The following PHLDB2 variants were observed in gnomAD, a reference collection of about 807,000 sequenced individuals.
PHLDB2 encodes the protein pleckstrin homology like domain family B member 2.
In PHLDB2, 71 loss-of-function variants were observed where a neutral mutation model predicts 123.6. The ratio of observed to expected loss-of-function variants is 0.57; its 90% CI spans 0.47 to 0.70. The LOEUF is 0.70. Ranked by LOEUF, PHLDB2 falls within the 30% of genes least tolerant of loss-of-function variation. The probability of loss-of-function intolerance (pLI) is 0.00; values close to 1 mark genes in which losing one functional copy is unlikely to be tolerated. For missense variants in PHLDB2, 1,446 were observed against 1,519.5 expected (o/e 0.95, Z 0.80); for synonymous variants, 547 against 541.6 (o/e 1.01, Z -0.14).
intron 6 of PHLDB2, among the ~76,000 whole-genome samples, chr3:111,933,084 A>C (rs967033796): frequency 2.0e-5 from 3 of 152,192 alleles, no homozygotes; most frequent in African/African-American, 7.2e-5. Context: ...TTCTGAAAGC[A>C]AGACTTCCTA....
chr3:111,949,107 G>A, intron 10 of PHLDB2, 32 bp downstream of exon 10: 2 of 1,608,320 alleles, frequency 1.2e-6, no homozygotes, highest in Non-Finnish European at 1.7e-6. Flanking sequence ...TTCATTCACT[G>A]CTTTTCTTCA....
At chr3:111,834,838 C>T (rs56154506) in intron 1 of PHLDB2, among the ~76,000 whole-genome samples, 3 of 152,044 alleles carry the variant, frequency 2.0e-5, no homozygotes, top group Non-Finnish European at 4.4e-5. Context: ...ATCCCCTTGG[C>T]TATATTTTTA....
chr3:111,898,949 G>A (rs2067034866), intron 2 of PHLDB2, among the ~76,000 whole-genome samples: 1 of 152,072 alleles, frequency 6.6e-6, no homozygotes. Flanking sequence ...CCAAACTCTC[G>A]TTCATGTTGA....
At chr3:111,956,616 G>C (rs1289348277) in intron 12 of PHLDB2, among the ~76,000 whole-genome samples, 2 of 152,162 alleles carry the variant, frequency 1.3e-5, no homozygotes, top group African/African-American at 4.8e-5. Flanking sequence ...GGCAGCTTCT[G>C]AGGAAATAAA....
At chr3:111,911,312 T>C (rs1420291035) in intron 2 of PHLDB2, among the ~76,000 whole-genome samples, 2 of 152,248 alleles carry the variant, frequency 1.3e-5, no homozygotes, top group African/African-American at 4.8e-5. Flanking sequence ...TGAGTTTAGA[T>C]GCTTCAACTT....
intron 1 of PHLDB2, among the ~76,000 whole-genome samples, chr3:111,843,916 C>A (rs184946544): frequency 1.2e-4 from 18 of 152,124 alleles, no homozygotes; most frequent in African/African-American, 4.3e-4. Context: ...GAAGACTTGG[C>A]CTTGTTCTTC....
chr3:111,864,224 TATC>T (rs1489393875), intron 1 of PHLDB2, among the ~76,000 whole-genome samples: 2 of 152,220 alleles, frequency 1.3e-5, no homozygotes, highest in East Asian at 3.8e-4. Flanking sequence ...GTCTTTTCAT[TATC>T]ATCTTTCATC....
At chr3:111,830,548 GCCTGTAATCC>G (rs2062901729) in intron 1 of PHLDB2, among the ~76,000 whole-genome samples, 1 of 146,914 alleles carries the variant, frequency 6.8e-6, no homozygotes, top group African/African-American at 2.5e-5. Context: ...GGTGGCTCAC[GCCTGTAATCC>G]CAGCACTTTG....
At chr3:111,805,356 C>A (rs2061534509) in intron 1 of PHLDB2, among the ~76,000 whole-genome samples, 2 of 151,908 alleles carry the variant, frequency 1.3e-5, no homozygotes, top group Middle Eastern at 3.4e-3. Context: ...GTCAGGAGCT[C>A]GAGACCATCC....
intron 9 of PHLDB2, among the ~76,000 whole-genome samples, chr3:111,947,187 G>T (rs2070366471): frequency 6.6e-6 from 1 of 152,214 alleles, no homozygotes; most frequent in Admixed American, 6.5e-5. Context: ...AGATGAATTG[G>T]ATGGGCTCTA....
intron 1 of PHLDB2, among the ~76,000 whole-genome samples, chr3:111,845,076 C>T (rs1241792293): frequency 1.3e-5 from 2 of 151,912 alleles, no homozygotes; most frequent in African/African-American, 2.4e-5. Context: ...GAATTTGTGC[C>T]GGGAGCAGTG....
chr3:111,884,747 A>G lies in PHLDB2; in HGVS notation c.670A>G (p.Thr224Ala), dbSNP rs757392665. ...CAGCCTGGCGCTTCAACCCAAGTTA[A>G]CTAGACACAAGGAGCTTGCATCTGA... is the stretch of plus-strand genomic sequence containing the variant. ...QDSLALQPKLTRHKELASENI... is the reference protein window; with the variant it reads ...QDSLALQPKLARHKELASENI... The change falls in exon 2 of 18, where the codon ACT becomes GCT. Residue 224 changes from threonine (T) to alanine (A), a missense_variant. Transcript: ENST00000431670. 1 of 1,614,144 alleles carries G rather than the reference A, an allele frequency of 6.2e-7. No individual in the cohort carries two copies. Among genetic ancestry groups the G allele is most frequent in the Non-Finnish European group, 8.5e-7 (1 of 1,180,032 alleles).
At chr3:111,766,702 C>T (rs1420544447) in intron 1 of PHLDB2, among the ~76,000 whole-genome samples, 2 of 151,960 alleles carry the variant, frequency 1.3e-5, no homozygotes, top group African/African-American at 2.4e-5. Context: ...CTAGGTAGTG[C>T]GGGCTGCAGA....
intron 1 of PHLDB2, among the ~76,000 whole-genome samples, chr3:111,757,349 T>C (rs999174447): frequency 5.3e-5 from 8 of 152,224 alleles, no homozygotes; most frequent in African/African-American, 1.7e-4. Flanking sequence ...TGTTCGTTTC[T>C]TTTTATTCTT....
intron 1 of PHLDB2, among the ~76,000 whole-genome samples, chr3:111,771,086 T>C (rs2060169240): frequency 6.6e-6 from 1 of 152,336 alleles, no homozygotes; most frequent in South Asian, 2.1e-4. Context: ...CAGATGAAAC[T>C]GTCAGCATCT....
At chr3:111,767,381 A>G (rs952505844) in intron 1 of PHLDB2, among the ~76,000 whole-genome samples, 1 of 152,196 alleles carries the variant, frequency 6.6e-6, no homozygotes, top group Admixed American at 6.5e-5. Context: ...GTTCTTCCAC[A>G]TTTCATTAAG....
At chr3:111,963,528 C>T (rs184951411) in intron 13 of PHLDB2, among the ~76,000 whole-genome samples, 3 of 152,212 alleles carry the variant, frequency 2.0e-5, no homozygotes, top group Admixed American at 2.0e-4. Flanking sequence ...TGTTTGTCTA[C>T]ACTGTAAATA....
At chr3:111,972,074 G>C (rs2072228938) in intron 16 of PHLDB2, among the ~76,000 whole-genome samples, 1 of 152,142 alleles carries the variant, frequency 6.6e-6, no homozygotes, top group Admixed American at 6.5e-5. Flanking sequence ...GAAGTGCCCT[G>C]CAAACCAAAG....
At chr3:111,848,106 A>G (rs1016140963) in intron 2 of PHLDB2, among the ~76,000 whole-genome samples, 1 of 152,188 alleles carries the variant, frequency 6.6e-6, no homozygotes, top group Admixed American at 6.5e-5. Flanking sequence ...CCCCGTGTAC[A>G]TTCCTAAACC....
Sources: allele counts gnomAD v4.1 joint callset (sites outside exome capture counted in the v4.1 genomes callset), GRCh38; gene constraint gnomAD v4.1.1; transcripts MANE v1.5; gene names NCBI Gene and HGNC (gene_info 2026-07-23, HGNC 2026-07-21).